BACH2: variants seen among roughly 807,000 people sequenced by gnomAD.
BACH2 encodes BACH transcriptional regulator 2.
In BACH2, 5 loss-of-function variants were observed where a neutral mutation model predicts 61.8. The ratio of observed to expected loss-of-function variants is 0.08; its 90% CI spans 0.04 to 0.17. The LOEUF (loss-of-function observed/expected upper bound fraction) is 0.17. Among genes scored for constraint, BACH2 ranks in the 10% least tolerant of loss-of-function variants. BACH2 has a pLI of 1.00. For synonymous variants in BACH2, 446 were observed against 440.1 expected (o/e 1.01, Z -0.17); for missense variants, 824 against 1,091.1 (o/e 0.76, Z 3.45).
At chr6:90,237,175 G>A (rs530257423) in intron 3 of BACH2, among the ~76,000 whole-genome samples, 1 of 151,990 alleles carries the variant, frequency 6.6e-6, no homozygotes, top group Non-Finnish European at 1.5e-5. Flanking sequence ...CATCCACCTC[G>A]GCCTCCCAAA....
intron 4 of BACH2, among the ~76,000 whole-genome samples, chr6:90,185,722 C>G (rs1302533597): frequency 6.6e-6 from 1 of 152,170 alleles, no homozygotes; most frequent in African/African-American, 2.4e-5. Flanking sequence ...AAAATAGAAC[C>G]AACCACGTTT....
At chr6:90,032,743 T>G (rs1229852045) in intron 5 of BACH2, among the ~76,000 whole-genome samples, 5 of 152,162 alleles carry the variant, frequency 3.3e-5, no homozygotes, top group Non-Finnish European at 5.9e-5. Context: ...ACAGGAACAC[T>G]TTTACACTGT....
At chr6:90,161,180 A>G (rs977258793) in intron 4 of BACH2, among the ~76,000 whole-genome samples, 2 of 152,192 alleles carry the variant, frequency 1.3e-5, no homozygotes, top group Non-Finnish European at 2.9e-5. Flanking sequence ...GAAGGAAAAA[A>G]AAGATATACT....
At chr6:90,202,369 C>T (rs747316514) in intron 4 of BACH2, among the ~76,000 whole-genome samples, 8 of 152,096 alleles carry the variant, frequency 5.3e-5, no homozygotes, top group Admixed American at 5.2e-4. Context: ...TGCGTGTAAA[C>T]GTGAAACTGC....
At chr6:90,270,335 A>G (rs1771478817) in intron 2 of BACH2, among the ~76,000 whole-genome samples, 1 of 152,154 alleles carries the variant, frequency 6.6e-6, no homozygotes, top group African/African-American at 2.4e-5. Flanking sequence ...CTACCTAAGA[A>G]ACTCTAAAGA....
intron 1 of BACH2, among the ~76,000 whole-genome samples, chr6:90,280,189 G>C (rs1434072519): frequency 6.6e-6 from 1 of 152,058 alleles, no homozygotes. Context: ...TATCCCTTTT[G>C]AGTATTCTTA....
chr6:90,036,023 T>C (rs1779245130), intron 5 of BACH2, among the ~76,000 whole-genome samples: 1 of 151,776 alleles, frequency 6.6e-6, no homozygotes, highest in African/African-American at 2.4e-5. Flanking sequence ...TGTGTAAGAT[T>C]GGGGGTGGGT....
chr6:90,146,019 T>C (rs1362223397), intron 4 of BACH2, among the ~76,000 whole-genome samples: 4 of 152,262 alleles, frequency 2.6e-5, no homozygotes, highest in Non-Finnish European at 4.4e-5. Flanking sequence ...GCTAGAATTT[T>C]TGCTTTAAAA....
chr6:90,124,896 TCA>T (rs1783783593), intron 4 of BACH2, among the ~76,000 whole-genome samples: 1 of 152,216 alleles, frequency 6.6e-6, no homozygotes, highest in African/African-American at 2.4e-5. Context: ...GCTTGTTCCC[TCA>T]CACTCTTGCC....
chr6:90,201,345 T>C (rs1362925885), intron 4 of BACH2, among the ~76,000 whole-genome samples: 1 of 152,218 alleles, frequency 6.6e-6, no homozygotes, highest in Non-Finnish European at 1.5e-5. Flanking sequence ...CCAACTTCAC[T>C]GGGTAAATGT....
At chr6:89,933,739 A>G (rs1772829874) in intron 8 of BACH2, among the ~76,000 whole-genome samples, 1 of 152,174 alleles carries the variant, frequency 6.6e-6, no homozygotes, top group Non-Finnish European at 1.5e-5. Flanking sequence ...TAATCCCAAC[A>G]CTATGGAAGG....
intron 5 of BACH2, among the ~76,000 whole-genome samples, chr6:90,057,322 C>T (rs1002825558): frequency 4.6e-5 from 7 of 152,148 alleles, no homozygotes; most frequent in African/African-American, 1.4e-4. Context: ...ATACAAACTA[C>T]CATCAGAGAA....
At chr6:90,016,952 T>C (rs536772502) in intron 5 of BACH2, among the ~76,000 whole-genome samples, 3 of 152,300 alleles carry the variant, frequency 2.0e-5, no homozygotes, top group Admixed American at 2.0e-4. Flanking sequence ...TTTAGGACTT[T>C]TTCTTGATCA....
chr6:89,985,668 C>T (rs138714130), intron 6 of BACH2, among the ~76,000 whole-genome samples: 3 of 152,210 alleles, frequency 2.0e-5, no homozygotes, highest in Admixed American at 6.5e-5. Context: ...GGGGGAAAAT[C>T]GGAATACTCA....
At chr6:90,239,988 A>T (rs1770391381) in intron 3 of BACH2, among the ~76,000 whole-genome samples, 2 of 152,226 alleles carry the variant, frequency 1.3e-5, no homozygotes, top group African/African-American at 4.8e-5. Context: ...TAAAATAAAG[A>T]TCTAAAAATT....
At chr6:90,152,769 A>G (rs1297313858) in intron 4 of BACH2, among the ~76,000 whole-genome samples, 1 of 152,190 alleles carries the variant, frequency 6.6e-6, no homozygotes, top group Admixed American at 6.5e-5. Context: ...TATGTCATCT[A>G]TATTTACTAC....
At chr6:90,293,552 G>A (rs1315101936) in intron 1 of BACH2, among the ~76,000 whole-genome samples, 1 of 152,196 alleles carries the variant, frequency 6.6e-6, no homozygotes, top group Non-Finnish European at 1.5e-5. Flanking sequence ...TGCAGACAGT[G>A]GGCCCAGAAG....
At chr6:90,244,632 GCACA>G (rs1386749724) in intron 3 of BACH2, among the ~76,000 whole-genome samples, 3 of 152,098 alleles carry the variant, frequency 2.0e-5, no homozygotes, top group Non-Finnish European at 2.9e-5. Flanking sequence ...GCGCACACAC[GCACA>G]CAAATACTCG....
chr6:90,159,676 CTG>C (rs61053636), intron 4 of BACH2, among the ~76,000 whole-genome samples: 21,129 of 152,070 alleles, frequency 0.14, 2,356 homozygotes, highest in African/African-American at 0.31. Flanking sequence ...AGCTGGCTAA[CTG>C]AGAGCCCATA....
Sources: gnomAD v4.1 joint callset for allele counts (sites outside exome capture counted in the v4.1 genomes callset) on GRCh38, gnomAD v4.1.1 for gene constraint, MANE v1.5 for transcripts, NCBI Gene and HGNC (gene_info 2026-07-23, HGNC 2026-07-21) for gene names.